SLC8A1: variants seen among roughly 807,000 people sequenced by gnomAD.
The protein encoded by SLC8A1 is sodium/calcium exchanger 1.
Under a neutral mutation model 68.3 loss-of-function variants are expected in SLC8A1, and 18 were observed. The ratio of observed to expected loss-of-function variants is 0.26; its 90% CI spans 0.18 to 0.39. The LOEUF (loss-of-function observed/expected upper bound fraction) is 0.39. SLC8A1 is among the 10% of genes least tolerant of loss of function. The probability of loss-of-function intolerance (pLI) is 1.00; values close to 1 mark genes in which losing one functional copy is unlikely to be tolerated. For synonymous variants in SLC8A1, 475 were observed against 415.5 expected, an observed-to-expected ratio of 1.14 and a Z score of -1.74; for missense variants, 985 against 1,156.7, an observed-to-expected ratio of 0.85 and a Z score of 2.15.
intron 7 of SLC8A1, among the ~76,000 whole-genome samples, chr2:40,120,482 C>G (rs1225642818): frequency 1.3e-5 from 2 of 152,172 alleles, no homozygotes; most frequent in Non-Finnish European, 1.5e-5. Context: ...TTTTAGATTG[C>G]AGTTTCCTCA....
chr2:40,175,053 AAG>A (rs1255822247), intron 3 of SLC8A1, among the ~76,000 whole-genome samples: 7 of 152,272 alleles, frequency 4.6e-5, no homozygotes, highest in Admixed American at 3.9e-4. Context: ...GTGCATACCT[AAG>A]AAATCACCGA....
At chr2:40,310,277 G>A (rs1421884625) in intron 2 of SLC8A1, among the ~76,000 whole-genome samples, 5 of 152,164 alleles carry the variant, frequency 3.3e-5, no homozygotes, top group East Asian at 1.9e-4. Context: ...GCACATTTAC[G>A]GTGTAGCCCT....
chr2:40,237,757 T>C (rs1367927963), intron 2 of SLC8A1, among the ~76,000 whole-genome samples: 2 of 152,152 alleles, frequency 1.3e-5, no homozygotes, highest in Non-Finnish European at 2.9e-5. Flanking sequence ...TGGTCTTTGA[T>C]GATGGTGATG....
At chr2:40,457,401 C>A (rs1703086518) in intron 1 of SLC8A1, among the ~76,000 whole-genome samples, 1 of 152,182 alleles carries the variant, frequency 6.6e-6, no homozygotes, top group African/African-American at 2.4e-5. Context: ...ATCTCCCTCG[C>A]TGTATCTTCA....
intron 2 of SLC8A1, among the ~76,000 whole-genome samples, chr2:40,403,325 C>A (rs527607985): frequency 6.6e-6 from 1 of 152,168 alleles, no homozygotes; most frequent in Non-Finnish European, 1.5e-5. Context: ...AGGAAATGCT[C>A]TCGTTTCATG....
At chr2:40,174,159 G>A (rs2048043162) in intron 4 of SLC8A1, among the ~76,000 whole-genome samples, 1 of 152,092 alleles carries the variant, frequency 6.6e-6, no homozygotes, top group Non-Finnish European at 1.5e-5. Flanking sequence ...TCAGATTGGT[G>A]TGGTGGGATG....
At chr2:40,144,624 C>T (rs930989404) in intron 6 of SLC8A1, among the ~76,000 whole-genome samples, 8 of 150,304 alleles carry the variant, frequency 5.3e-5, no homozygotes, top group African/African-American at 7.3e-5. Flanking sequence ...TATTTGTATT[C>T]TAATACTTTC....
At chr2:40,286,924 G>T (rs574342118) in intron 2 of SLC8A1, among the ~76,000 whole-genome samples, 1 of 152,174 alleles carries the variant, frequency 6.6e-6, no homozygotes, top group Non-Finnish European at 1.5e-5. Context: ...ATGCAACCAC[G>T]ACAGGCTGGA....
chr2:40,430,145 T>C, exon 2 of SLC8A1: 1 of 1,613,798 alleles, frequency 6.2e-7, no homozygotes, highest in Non-Finnish European at 8.5e-7. Flanking sequence ...CATTCACCAG[T>C]TTCATTTCCT....
chr2:40,291,355 G>C (rs182778325), intron 2 of SLC8A1, among the ~76,000 whole-genome samples: 2 of 152,258 alleles, frequency 1.3e-5, no homozygotes, highest in East Asian at 3.9e-4. Flanking sequence ...TTCTCACTGT[G>C]TTCATAAAAT....
chr2:40,199,448 C>A (rs1429967817), intron 2 of SLC8A1, among the ~76,000 whole-genome samples: 1 of 151,538 alleles, frequency 6.6e-6, no homozygotes. Flanking sequence ...TATTGTTTGT[C>A]TGTACTGTAC....
rs189592559 is a variant in SLC8A1 at position 40,492,256 on chromosome 2, T to A, written c.-25+20093A>T. ...CAAGCAATGGGGAAAGGATTCCCTA[T>A]TTTATAAATCGTGCTGGGAAAACTG... On this transcript the variant is annotated intron_variant, in intron 1 of 7. Transcript: ENST00000402441. Among the ~76,000 whole-genome samples the A allele has an allele frequency of 6.2e-4, 94 of 152,302 alleles. 1 individual carries two copies. Among genetic ancestry groups the A allele is most frequent in the Admixed American group, 5.4e-3 (83 of 15,302 alleles).
intron 2 of SLC8A1, among the ~76,000 whole-genome samples, chr2:40,262,685 G>C (rs540938838): frequency 6.6e-6 from 1 of 152,304 alleles, no homozygotes; most frequent in South Asian, 2.1e-4. Flanking sequence ...ATTCATGATA[G>C]AATGTGACAG....
At chr2:40,256,798 T>C (rs2063998165) in intron 2 of SLC8A1, among the ~76,000 whole-genome samples, 1 of 152,166 alleles carries the variant, frequency 6.6e-6, no homozygotes, top group African/African-American at 2.4e-5. Context: ...CAAGGGTACT[T>C]CCTGCATCCA....
chr2:40,333,714 C>T (rs1478465751), intron 2 of SLC8A1, among the ~76,000 whole-genome samples: 1 of 152,082 alleles, frequency 6.6e-6, no homozygotes, highest in Non-Finnish European at 1.5e-5. Context: ...CATACCATCA[C>T]TTGTCCCCTA....
intron 1 of SLC8A1, among the ~76,000 whole-genome samples, chr2:40,465,743 G>A (rs1703633279): frequency 6.6e-6 from 1 of 152,068 alleles, no homozygotes; most frequent in South Asian, 2.1e-4. Context: ...TATACAAGGA[G>A]TACTATGGTC....
chr2:40,292,181 T>A (rs2069454993), intron 2 of SLC8A1, among the ~76,000 whole-genome samples: 1 of 152,172 alleles, frequency 6.6e-6, no homozygotes, highest in Non-Finnish European at 1.5e-5. Flanking sequence ...TTCTTCTCTT[T>A]CTATGACATA....
intron 2 of SLC8A1, among the ~76,000 whole-genome samples, chr2:40,294,058 G>C (rs1376155300): frequency 6.6e-6 from 1 of 152,072 alleles, no homozygotes; most frequent in African/African-American, 2.4e-5. Context: ...AAACCAACTA[G>C]AATTTGCTGC....
intron 1 of SLC8A1, among the ~76,000 whole-genome samples, chr2:40,445,512 C>T (rs1701283419): frequency 6.6e-6 from 1 of 152,172 alleles, no homozygotes; most frequent in Non-Finnish European, 1.5e-5. Flanking sequence ...GAACTGGATT[C>T]TACTATCTCC....
Sources: allele counts gnomAD v4.1 joint callset (sites outside exome capture counted in the v4.1 genomes callset), GRCh38; gene constraint gnomAD v4.1.1; transcripts MANE v1.5; gene names NCBI Gene and HGNC (gene_info 2026-07-23, HGNC 2026-07-21).